Variants in PEBP1 observed in about 807,000 individuals in gnomAD.
The protein encoded by PEBP1 is phosphatidylethanolamine binding protein 1, also known as phosphatidylethanolamine-binding protein 1.
In PEBP1, 17 loss-of-function variants were observed where a neutral mutation model predicts 22.7. That is an observed-to-expected ratio of 0.75 (90% CI 0.51 to 1.12). The LOEUF is 1.12. PEBP1 is among the 50% of genes most tolerant of loss of function. PEBP1 has a pLI of 0.00. For missense variants in PEBP1, 205 were observed against 243.5 expected, an observed-to-expected ratio of 0.84 and a Z score of 1.05; for synonymous variants, 106 against 104.3, an observed-to-expected ratio of 1.02 and a Z score of -0.10.
intron 3 of PEBP1, among the ~76,000 whole-genome samples, chr12:118,142,711 A>G (rs2034124238): frequency 6.6e-6 from 1 of 151,178 alleles, no homozygotes; most frequent in African/African-American, 2.4e-5. Flanking sequence ...TCCTGACCTC[A>G]AGTGATCCAC....
Position 118,136,712 on chromosome 12 carries a change from G to A in PEBP1, c.135+368G>A, listed in dbSNP as rs141422659. ...CAGAGTAGGCTGTGGCTGCCCGGAC[G>A]CCCCCAGAGCTTCCCCTAGGGCCTC... On this transcript the variant is annotated intron_variant, in intron 1 of 3. Coordinates refer to ENST00000261313, the MANE Select transcript of PEBP1 (RefSeq NM_002567.4). The surrounding 1 kb of genome is among the most constrained non-coding windows in gnomAD (Gnocchi z 5.6). Among the ~76,000 whole-genome samples the A allele has an allele frequency of 8.6e-3, 1,304 of 152,344 alleles. 12 individuals are homozygous for A. The highest frequency in any genetic ancestry group is 0.029 in the African/African-American group (1,204 of 41,578).
At chr12:118,137,381 C>T (rs1280159558) in intron 1 of PEBP1, among the ~76,000 whole-genome samples, 1 of 151,996 alleles carries the variant, frequency 6.6e-6, no homozygotes, top group African/African-American at 2.4e-5. Context: ...ATAGCAAGAC[C>T]CCAACTCTAC....
intron 3 of PEBP1, among the ~76,000 whole-genome samples, chr12:118,142,092 C>A (rs2138086968): frequency 6.6e-6 from 1 of 151,094 alleles, no homozygotes; most frequent in South Asian, 2.1e-4. Flanking sequence ...GCCAGTCACA[C>A]AAAGACAAAT....
At chr12:118,141,471 C>T (rs969949290) in intron 3 of PEBP1, among the ~76,000 whole-genome samples, 2 of 152,204 alleles carry the variant, frequency 1.3e-5, no homozygotes, top group Admixed American at 1.3e-4. Context: ...CGGTGGCTCA[C>T]GCCTATAATC....
intron 3 of PEBP1, 38 bp downstream of exon 3, chr12:118,139,589 G>A (rs374061916): frequency 5.2e-5 from 67 of 1,276,228 alleles, no homozygotes; most frequent in Non-Finnish European, 7.3e-5. Context: ...GTTGGGGAGG[G>A]AGCTCGGGGG....
chr12:118,140,881 CTTG>C (rs911940512), intron 3 of PEBP1, among the ~76,000 whole-genome samples: 4 of 152,064 alleles, frequency 2.6e-5, no homozygotes, highest in African/African-American at 7.2e-5. Flanking sequence ...AACTCATTTT[CTTG>C]TTGTTTTTTC....
At chr12:118,137,019 T>C (rs1467506042) in intron 1 of PEBP1, among the ~76,000 whole-genome samples, 1 of 152,162 alleles carries the variant, frequency 6.6e-6, no homozygotes, top group African/African-American at 2.4e-5. Context: ...CCTTACATTG[T>C]TTTGGATGTT....
At chr12:118,143,919 A>AC (rs1375679230) in intron 3 of PEBP1, among the ~76,000 whole-genome samples, 3 of 151,732 alleles carry the variant, frequency 2.0e-5, no homozygotes, top group South Asian at 4.2e-4. Flanking sequence ...AAAAAAAAAA[A>AC]AACCCACTTT....
chr12:118,142,280 C>A (rs1288520146), intron 3 of PEBP1, among the ~76,000 whole-genome samples: 1 of 151,062 alleles, frequency 6.6e-6, no homozygotes, highest in Non-Finnish European at 1.5e-5. Flanking sequence ...GCAACCTCCA[C>A]CTCCCAGGTT....
chr12:118,145,150 G>T lies in PEBP1; in HGVS notation c.*347G>T, dbSNP rs1018995741. 10 of 228,566 alleles carry T rather than the reference G, an allele frequency of 4.4e-5. No individual in the cohort carries two copies. The highest frequency in any genetic ancestry group is 6.1e-5 in the Admixed American group (1 of 16,372). 14.2% of individuals were successfully genotyped at this position (228,566 alleles called of 1,614,324 possible). ...TACAGTGATAGAGCAAAGCATCAAA[G>T]AATCTTTAAGGGAGGTTTAAAAAAA... is the stretch of plus-strand genomic sequence containing the variant. On this transcript the variant is annotated 3_prime_UTR_variant, in exon 4 of 4. Coordinates refer to ENST00000261313, the MANE Select transcript of PEBP1 (RefSeq NM_002567.4).
Position 118,136,713 on chromosome 12 carries a change from C to G in PEBP1, c.135+369C>G, listed in dbSNP as rs1337900499. Among the ~76,000 whole-genome samples the G allele has an allele frequency of 1.3e-5, 2 of 152,226 alleles. No homozygotes were observed. Among genetic ancestry groups the G allele is most frequent in the African/African-American group, 4.8e-5 (2 of 41,468 alleles). On this transcript the variant is annotated intron_variant, in intron 1 of 3. Transcript: ENST00000261313. This position sits in a 1 kb window ranked among gnomAD's most constrained non-coding sequence, Gnocchi z 5.6. Reference sequence around the variant, plus strand: ...AGAGTAGGCTGTGGCTGCCCGGACGCCCCCAGAGCTTCCCCTAGGGCCTCA... The same window carrying G: ...AGAGTAGGCTGTGGCTGCCCGGACGGCCCCAGAGCTTCCCCTAGGGCCTCA...
chr12:118,137,885 C>T (rs1440601490), intron 1 of PEBP1, among the ~76,000 whole-genome samples, 154 bp from the exon 2 acceptor site: 1 of 152,072 alleles, frequency 6.6e-6, no homozygotes, highest in Non-Finnish European at 1.5e-5. Context: ...GCAGGTTTCA[C>T]CGTGTTGGCC....
chr12:118,141,045 T>A (rs4505100), intron 3 of PEBP1, among the ~76,000 whole-genome samples: 12,766 of 152,090 alleles, frequency 0.084, 579 homozygotes, highest in African/African-American at 0.12. Flanking sequence ...GACATTCTCA[T>A]GTGACCTTTT....
intron 3 of PEBP1, among the ~76,000 whole-genome samples, chr12:118,139,829 C>G (rs887163113): frequency 6.6e-6 from 1 of 152,126 alleles, no homozygotes; most frequent in Non-Finnish European, 1.5e-5. Flanking sequence ...AGCACTGTTG[C>G]AGAAAGCTTA....
intron 2 of PEBP1, chr12:118,138,931 T>G (rs987249310): frequency 6.6e-6 from 1 of 151,994 alleles, no homozygotes; most frequent in Non-Finnish European, 1.5e-5. Context: ...GTGGAAAGTT[T>G]GCTGACCTTT....
intron 3 of PEBP1, among the ~76,000 whole-genome samples, chr12:118,143,048 C>CAT (rs942578908): frequency 1.3e-5 from 2 of 151,698 alleles, no homozygotes; most frequent in African/African-American, 4.9e-5. Flanking sequence ...GGGGTTTCGC[C>CAT]ATATTGCCCA....
chr12:118,136,246 A>G lies in PEBP1; in HGVS notation c.37A>G (p.Ser13Gly). 1 of 1,547,018 alleles carries G rather than the reference A, an allele frequency of 6.5e-7. No homozygotes were observed. Among genetic ancestry groups the G allele is most frequent in the Non-Finnish European group, 8.7e-7 (1 of 1,146,566 alleles). ...CCTCAGCAAGTGGTCCGGGCCCTTG[A>G]GCCTGCAAGAAGTGGACGAGCAGCC... ...VDLSKWSGPL[S>G]LQEVDEQPQH... Residue 13 changes from serine (S) to glycine (G), a missense_variant, in exon 1 of 4, where the codon AGC becomes GGC. Transcript: ENST00000261313. This position sits in a 1 kb window ranked among gnomAD's most constrained non-coding sequence, Gnocchi z 5.6.
chr12:118,140,945 G>A (rs1003851453), intron 3 of PEBP1, among the ~76,000 whole-genome samples: 4 of 152,038 alleles, frequency 2.6e-5, no homozygotes, highest in East Asian at 1.9e-4. Flanking sequence ...TCCACAGATC[G>A]GAAGGGTTCA....
Position 118,136,150 on chromosome 12 carries a change from C to T in PEBP1, c.-60C>T, listed in dbSNP as rs1050547. The T allele has an allele frequency of 0.015, 22,809 of 1,532,730 alleles. 232 individuals are homozygous for T. Among genetic ancestry groups the T allele is most frequent in the Middle Eastern group, 0.028 (121 of 4,334 alleles). The allele number at this position is 1,532,730 out of a possible 1,614,324, so 94.9% of individuals were successfully genotyped here. ...GTGTGCTGAGCTCTCCGCGTCGCCT[C>T]TGTCGCCCGCGCCTGGCCTACCGCG... On this transcript the variant is annotated 5_prime_UTR_variant, in exon 1 of 4. Transcript: ENST00000261313. The surrounding 1 kb of genome is among the most constrained non-coding windows in gnomAD (Gnocchi z 5.6).
Sources: gnomAD v4.1 joint callset for allele counts (sites outside exome capture counted in the v4.1 genomes callset) on GRCh38, gnomAD v4.1.1 for gene constraint, Gnocchi (gnomAD v3.1) non-coding constraint, MANE v1.5 for transcripts, NCBI Gene and HGNC (gene_info 2026-07-23, HGNC 2026-07-21) for gene names.